The following ALOX12B variants were observed in gnomAD, a reference collection of about 807,000 sequenced individuals.
The protein encoded by ALOX12B is arachidonate 12-lipoxygenase, 12R type, also known as arachidonate 12-lipoxygenase, 12R-type.
In ALOX12B, 47 loss-of-function variants were observed where a neutral mutation model predicts 78.9. The ratio of observed to expected loss-of-function variants is 0.60; its 90% CI spans 0.47 to 0.76. The LOEUF is 0.76. Ranked by LOEUF, ALOX12B falls within the 30% of genes least tolerant of loss-of-function variation. The probability of loss-of-function intolerance (pLI) is 0.00; values close to 1 mark genes in which losing one functional copy is unlikely to be tolerated. For synonymous variants in ALOX12B, 370 were observed against 374.5 expected, an observed-to-expected ratio of 0.99 and a Z score of 0.14; for missense variants, 805 against 922.6, an observed-to-expected ratio of 0.87 and a Z score of 1.65.
In ALOX12B at chr17:8,079,107, C is replaced by T. The variant is rs1475056488; in HGVS notation, c.1071+289G>A. ...AGAGACGGGGTTTCACCGTGTTAGC[C>T]AGGATGGTCTCGATCTCCTGACCTC... On this transcript the variant is annotated intron_variant, in intron 8 of 14. Transcript: ENST00000647874. The surrounding 1 kb of genome is among the most constrained non-coding windows in gnomAD (Gnocchi z 6.4). 6.6e-6 allele frequency among the ~76,000 whole-genome samples: 1 copy of T among 152,022 alleles called. No individual in the cohort carries two copies. The highest frequency in any genetic ancestry group is 2.4e-5 in the African/African-American group (1 of 41,400).
At chr17:8,086,344 G>A (rs945853338) in intron 1 of ALOX12B, 124 bp from the exon 2 acceptor site, 10 of 954,544 alleles carry the variant, frequency 1.0e-5, no homozygotes, top group African/African-American at 3.2e-5. Flanking sequence ...CTGGACTGAC[G>A]GAGGGACAGG....
chr17:8,073,088 C>T lies in ALOX12B; in HGVS notation c.1926+60G>A. On this transcript the variant is annotated intron_variant, in intron 14 of 14. Transcript: ENST00000647874. ...CCCTCTTGACGCCGCTAGTTATCCT[C>T]CCCCATCCCCGGCTTCTGGTCCCCT... is the stretch of plus-strand genomic sequence containing the variant. The T allele has an allele frequency of 2.5e-6, 4 of 1,611,178 alleles. 1 individual carries two copies. In the Admixed American group the frequency reaches 6.7e-5, roughly 27 times the overall value.
Position 8,087,406 on chromosome 17 carries a change from C to G in ALOX12B, c.37G>C (p.Asp13His), listed in dbSNP as rs775449310. 1.2e-6 allele frequency: 2 copies of G among 1,614,238 alleles called. No homozygotes were observed. The highest frequency in any genetic ancestry group is 2.2e-5 in the South Asian group (2 of 91,082). Reference protein sequence around the residue: ...TYKVRVATGTDLLSGTRDSIS... With the variant: ...TYKVRVATGTHLLSGTRDSIS... The stretch of plus-strand genomic sequence containing the variant: ...GAGTCCCGTGTTCCCGACAAGAGGT[C>G]GGTGCCTGTGGCCACCCTGACTTTG... Residue 13 changes from aspartate (D) to histidine (H), a missense_variant, in exon 1 of 15, where the codon GAC (aspartate) becomes CAC (histidine). By Grantham distance (81) the Asp-to-His change is moderately conservative. Coordinates refer to ENST00000647874, the MANE Select transcript of ALOX12B (RefSeq NM_001139.3).
In ALOX12B at chr17:8,075,594, C is replaced by G; in HGVS notation, c.1654+1G>C. The G allele has an allele frequency of 6.2e-7, 1 of 1,614,122 alleles. No homozygotes were observed. Among genetic ancestry groups the G allele is most frequent in the Admixed American group, 1.7e-5 (1 of 60,030 alleles). ...GATTGCCCAGGTGTCCAGGCCCATACCTGAGCTCTCCCGCCCCAGGAGGCA... is the reference window on the plus strand; with the variant it reads ...GATTGCCCAGGTGTCCAGGCCCATAGCTGAGCTCTCCCGCCCCAGGAGGCA... On this transcript the variant is annotated splice_donor_variant, in intron 12 of 14. Coordinates refer to ENST00000647874, the MANE Select transcript of ALOX12B (RefSeq NM_001139.3). LOFTEE classifies it high-confidence loss of function.
At chr17:8,086,649 AAGGTCGCCTAGCAGC>A (rs902230007) in intron 1 of ALOX12B, among the ~76,000 whole-genome samples, 2 of 152,196 alleles carry the variant, frequency 1.3e-5, no homozygotes, top group African/African-American at 4.8e-5. Context: ...GTGACCTATT[AAGGTCGCCTAGCAGC>A]AGGTGGCTGG....
rs772145083 is a variant in ALOX12B, at chr17:8,079,822, C to A, written c.874G>T (p.Asp292Tyr). The A allele has an allele frequency of 7.4e-6, 12 of 1,613,548 alleles. No homozygotes were observed. The highest frequency in any genetic ancestry group is 6.6e-5 in the South Asian group (6 of 91,082). ...RIPDKFPVTD[D>Y]MVAPFLGEGT... ...TCGCCCAGGAACGGAGCCACCATGT[C>A]GTCTGTGACGGGGAACTTGTCTGGG... Residue 292 changes from aspartate (D) to tyrosine (Y), a missense_variant, in exon 7 of 15, where the codon GAC (aspartate) becomes TAC (tyrosine). By Grantham distance (160) the Asp-to-Tyr change is radical (BLOSUM62 -3). Transcript: ENST00000647874. This position sits in a 1 kb window ranked among gnomAD's most constrained non-coding sequence, Gnocchi z 6.4.
Position 8,079,522 on chromosome 17 carries a change from C to T in ALOX12B, c.945G>A (p.Leu315=), listed in dbSNP as rs1008639868. The change falls in exon 8 of 15, where the codon CTG becomes CTA. Residue 315 remains leucine (L), a synonymous_variant. Transcript: ENST00000647874. This position sits in a 1 kb window ranked among gnomAD's most constrained non-coding sequence, Gnocchi z 6.4. ...TGCCCTCCATGATGCGGTAGTCGGC[C>T]AGGTAAATGTTCCCCTTCTGGAGGG... ...QAELEKGNIY[L]ADYRIMEGIP... The T allele has an allele frequency of 6.4e-7, 1 of 1,550,700 alleles. No homozygotes were observed. The highest frequency in any genetic ancestry group is 1.4e-5 in the African/African-American group (1 of 73,092).
At chr17:8,076,969 C>T (rs574690206) in intron 9 of ALOX12B, 21 bp downstream of exon 9, 5 of 1,608,180 alleles carry the variant, frequency 3.1e-6, no homozygotes, top group South Asian at 2.2e-5. Context: ...CTGGGGGAGG[C>T]CCCTTCTCCC....
chr17:8,078,115 T>TTTTA (rs200983287), intron 8 of ALOX12B, among the ~76,000 whole-genome samples: 26,921 of 143,134 alleles, frequency 0.19, 2,826 homozygotes, highest in Non-Finnish European at 0.24. Flanking sequence ...TTTTATTTCA[T>TTTTA]TTTATTTATT....
Position 8,072,832 on chromosome 17 carries a change from C to A in ALOX12B, c.2045G>T (p.Cys682Phe). ...CAGGTAGTAGTAGGGGATGGGAAGG[C>A]ACTTGTTGCGCTGGCGGATGTCGTG... ...ISHDIRQRNKCLPIPYYYLDP... is the reference protein window; with the variant it reads ...ISHDIRQRNKFLPIPYYYLDP... The change falls in exon 15 of 15, where the codon TGC becomes TTC. Residue 682 changes from cysteine (C) to phenylalanine (F), a missense_variant. Transcript: ENST00000647874. 2 of 1,614,222 alleles carry A rather than the reference C, an allele frequency of 1.2e-6. No homozygotes were observed. Among genetic ancestry groups the A allele is most frequent in the Non-Finnish European group, 1.7e-6 (2 of 1,180,048 alleles).
Position 8,072,876 on chromosome 17 carries a change from C to G in ALOX12B, c.2001G>C (p.Gln667His). The change falls in exon 15 of 15, where the codon CAG (glutamine) becomes CAC (histidine). Residue 667 changes from glutamine to histidine, a missense_variant. Transcript: ENST00000647874. ...APRRSIEAFR[Q>H]RLNQISHDIR... is the part of the protein sequence containing the mutation. ...TGTCGTGTGAGATCTGGTTCAGGCG[C>G]TGGCGGAACGCCTCTATGCTCCTCC... is the stretch of plus-strand genomic sequence containing the variant. 6.2e-7 allele frequency: 1 copy of G among 1,614,192 alleles called. No individual in the cohort carries two copies. Among genetic ancestry groups the G allele is most frequent in the Non-Finnish European group, 8.5e-7 (1 of 1,180,032 alleles).
intron 9 of ALOX12B, 103 bp from the exon 10 acceptor site, chr17:8,076,846 C>G: frequency 6.9e-7 from 1 of 1,453,506 alleles, no homozygotes; most frequent in Non-Finnish European, 9.4e-7. Context: ...TCTGGGAAGT[C>G]CCTATGCCAA....
chr17:8,077,250 G>T (rs1227499658), intron 8 of ALOX12B, 57 bp from the exon 9 acceptor site: 2 of 1,520,384 alleles, frequency 1.3e-6, no homozygotes, highest in South Asian at 1.2e-5. Context: ...ACACATAAAG[G>T]CCCCACCGCA....
In ALOX12B at chr17:8,076,192, C is replaced by T. The variant is rs1294581167; in HGVS notation, c.1515G>A (p.Val505=). The T allele has an allele frequency of 4.1e-5, 66 of 1,614,034 alleles. No homozygotes were observed. In the Admixed American group the frequency reaches 8.7e-4, roughly 21 times the overall value. ...GAGCTCACTTCTCCAGTGCATTCCA[C>T]ACCGCCAAGCTGTCATCGCGGTAGT... ...GYYYRDDSLA[V]WNALEKYVTE... Residue 505 remains valine (V), a synonymous_variant, in exon 11 of 15, where the codon GTG becomes GTA. Transcript: ENST00000647874.
rs773652735 is a variant in ALOX12B, at chr17:8,081,151, A to C, written c.389T>G (p.Leu130Arg). The C allele has an allele frequency of 6.2e-7, 1 of 1,613,688 alleles. No individual in the cohort carries two copies. The highest frequency in any genetic ancestry group is 8.5e-7 in the Non-Finnish European group (1 of 1,179,950). ...TCTGATCTCCTCTTTTCTGTGCTCC[A>C]GGAGGACGGGGAGCGAGTCATCTGC... ...TTADDSLPVL[L>R]EHRKEEIRAK... The change falls in exon 3 of 15, where the codon CTG becomes CGG. Residue 130 changes from leucine (L) to arginine (R), a missense_variant. By Grantham distance (102) the Leu-to-Arg change is moderately radical. Transcript: ENST00000647874.
chr17:8,077,123 G>A lies in ALOX12B; in HGVS notation c.1142C>T (p.Ala381Val). Reference sequence around the variant, plus strand: ...CTCCGCATAGCGTACCCACGTCTTGGCTAGCAGCCAGTCCCACTCAGAATC... The same window carrying A: ...CTCCGCATAGCGTACCCACGTCTTGACTAGCAGCCAGTCCCACTCAGAATC... ...PSDSEWDWLL[A>V]KTWVRYAEFY... Residue 381 changes from alanine to valine, a missense_variant, in exon 9 of 15, where the codon GCC (alanine) becomes GTC (valine). Physicochemically the swap from Ala to Val is moderately conservative, Grantham distance 64. Coordinates refer to ENST00000647874, the MANE Select transcript of ALOX12B (RefSeq NM_001139.3). The A allele has an allele frequency of 2.5e-6, 4 of 1,613,482 alleles. No individual in the cohort carries two copies. Among genetic ancestry groups the A allele is most frequent in the Non-Finnish European group, 2.5e-6 (3 of 1,179,936 alleles).
Position 8,072,664 on chromosome 17 carries a change from G to T in ALOX12B, c.*107C>A. On this transcript the variant is annotated 3_prime_UTR_variant, in exon 15 of 15. Transcript: ENST00000647874. ...AGGAAGGTTTTTTGTTTTTTTGTTT[G>T]TTTGGTGTTTTGGTCTCTGAGGTTT... 2.0e-6 allele frequency: 3 copies of T among 1,477,890 alleles called. No homozygotes were observed. Among genetic ancestry groups the T allele is most frequent in the Admixed American group, 1.8e-5 (1 of 56,960 alleles). The allele number at this position is 1,477,890 out of a possible 1,614,324, so 91.5% of individuals were successfully genotyped here.
Position 8,072,801 on chromosome 17 carries a change from CG to C in ALOX12B, c.2075del (p.Pro692ArgfsTer3). On this transcript the variant is annotated frameshift_variant, in exon 15 of 15. Transcript: ENST00000647874. Reference protein sequence around the residue: ...CLPIPYYYLDPVLIENSISI With the variant: ...CLPIPYYYLDXVLIENSISI Reference sequence around the variant, plus strand: ...TAGAAATGCTGTTCTCAATCAGCACCGGGTCCAGGTAGTAGTAGGGGATGGG... The same window carrying C: ...TAGAAATGCTGTTCTCAATCAGCACCGGTCCAGGTAGTAGTAGGGGATGGG... 1 of 1,614,208 alleles carries C rather than the reference CG, an allele frequency of 6.2e-7. No individual in the cohort carries two copies. The highest frequency in any genetic ancestry group is 1.6e-4 in the Middle Eastern group (1 of 6,062).
chr17:8,080,664 C>A lies in ALOX12B; in HGVS notation c.644G>T (p.Gly215Val), dbSNP rs1280104695. ...GTCACTCACACGGACTCACATGGGC[C>A]CCAGGCGGACGAAGAAGGAGGCCGT... is the stretch of plus-strand genomic sequence containing the variant. Reference protein sequence around the residue: ...LKTASFFVRLGPMALAFKVRG... With the variant: ...LKTASFFVRLVPMALAFKVRG... The change falls in exon 5 of 15, where the codon GGG becomes GTG. Residue 215 changes from glycine (G) to valine (V), a missense_variant. Transcript: ENST00000647874. This position sits in a 1 kb window ranked among gnomAD's most constrained non-coding sequence, Gnocchi z 4.8. 6.2e-7 allele frequency: 1 copy of A among 1,613,964 alleles called. No homozygotes were observed. Among genetic ancestry groups the A allele is most frequent in the Non-Finnish European group, 8.5e-7 (1 of 1,180,012 alleles).
Sources: allele counts gnomAD v4.1 joint callset (sites outside exome capture counted in the v4.1 genomes callset), GRCh38; gene constraint gnomAD v4.1.1; non-coding constraint Gnocchi (gnomAD v3.1); transcripts MANE v1.5; gene names NCBI Gene and HGNC (gene_info 2026-07-23, HGNC 2026-07-21).